Variants in NNT observed in about 807,000 individuals in gnomAD.
NNT encodes the protein NAD(P) transhydrogenase, mitochondrial.
NNT carries 50 observed loss-of-function variants against 104.8 expected under a neutral mutation model. The observed-to-expected ratio is 0.48, with a 90% CI of 0.38 to 0.60. NNT has a LOEUF of 0.60. Among genes scored for constraint, NNT ranks in the 20% least tolerant of loss-of-function variants. The probability of loss-of-function intolerance (pLI) is 0.00; values close to 1 mark genes in which losing one functional copy is unlikely to be tolerated. For synonymous variants in NNT, 461 were observed against 490.4 expected, an observed-to-expected ratio of 0.94 and a Z score of 0.79; for missense variants, 1,131 against 1,330.7, an observed-to-expected ratio of 0.85 and a Z score of 2.33.
chr5:43,657,774 A>G (rs1740134779), intron 16 of NNT, among the ~76,000 whole-genome samples: 1 of 152,236 alleles, frequency 6.6e-6, no homozygotes, highest in South Asian at 2.1e-4. Context: ...TTTAAACAAA[A>G]GAAAAATAAT....
chr5:43,608,737 A>G (rs1749352231), intron 1 of NNT, among the ~76,000 whole-genome samples: 1 of 152,236 alleles, frequency 6.6e-6, no homozygotes, highest in African/African-American at 2.4e-5. Flanking sequence ...AGGGAAATTC[A>G]AAGGTAACTG....
intron 19 of NNT, among the ~76,000 whole-genome samples, chr5:43,678,736 T>A (rs1741552965): frequency 6.6e-6 from 1 of 152,244 alleles, no homozygotes; most frequent in Non-Finnish European, 1.5e-5. Context: ...TGTGCTGGAC[T>A]GGATGCAGAA....
chr5:43,651,159 TG>T (rs1260598758), intron 12 of NNT, among the ~76,000 whole-genome samples: 2 of 152,242 alleles, frequency 1.3e-5, no homozygotes, highest in Non-Finnish European at 2.9e-5. Context: ...GCTTTTTGAA[TG>T]GCTTTTTTTT....
Position 43,704,440 on chromosome 5 carries a change from C to A in NNT, c.*36C>A. The A allele has an allele frequency of 1.9e-6, 3 of 1,608,948 alleles. No individual in the cohort carries two copies. The highest frequency in any genetic ancestry group is 2.5e-6 in the Non-Finnish European group (3 of 1,176,928). ...TCAAGCTGTTAGCTAATAATGCCAC[C>A]TCTGCAGTTTTGGGAACAGGCAAAT... On this transcript the variant is annotated 3_prime_UTR_variant, in exon 22 of 22. Coordinates refer to ENST00000344920, the MANE Select transcript of NNT (RefSeq NM_182977.3).
At chr5:43,669,103 C>T (rs1275371304) in intron 17 of NNT, among the ~76,000 whole-genome samples, 1 of 152,020 alleles carries the variant, frequency 6.6e-6, no homozygotes, top group Non-Finnish European at 1.5e-5. Flanking sequence ...GTGTATAAGA[C>T]TGCTTGTGAT....
At chr5:43,627,622 A>G (rs1750439346) in intron 6 of NNT, among the ~76,000 whole-genome samples, 1 of 152,144 alleles carries the variant, frequency 6.6e-6, no homozygotes, top group African/African-American at 2.4e-5. Context: ...TATTTATTTA[A>G]AACTGAATTT....
chr5:43,659,133 G>A (rs1740215174), intron 16 of NNT, 38 bp from the exon 17 acceptor site: 1 of 1,514,056 alleles, frequency 6.6e-7, no homozygotes, highest in South Asian at 1.3e-5. Context: ...TTATTTTTAT[G>A]TTATTAATTT....
At chr5:43,690,018 T>C (rs1210725665) in intron 19 of NNT, among the ~76,000 whole-genome samples, 1 of 152,086 alleles carries the variant, frequency 6.6e-6, no homozygotes, top group Non-Finnish European at 1.5e-5. Context: ...TTTGGAACTA[T>C]ATTAAACATC....
chr5:43,657,928 A>G (rs1740141498), intron 16 of NNT, among the ~76,000 whole-genome samples: 1 of 152,110 alleles, frequency 6.6e-6, no homozygotes, highest in Non-Finnish European at 1.5e-5. Flanking sequence ...TGAGGTCAGG[A>G]GTTTGTGACT....
At chr5:43,701,621 T>C (rs1021897070) in intron 20 of NNT, among the ~76,000 whole-genome samples, 1 of 152,188 alleles carries the variant, frequency 6.6e-6, no homozygotes, top group South Asian at 2.1e-4. Context: ...CTGGGTCAAG[T>C]AGGAGTTCTA....
Position 43,706,774 on chromosome 5 carries a change from G to A in NNT, c.*2370G>A, listed in dbSNP as rs375050183. The A allele has an allele frequency of 6.6e-6, 1 of 152,204 alleles. No homozygotes were observed. The highest frequency in any genetic ancestry group is 1.9e-4 in the East Asian group (1 of 5,200). 9.4% of individuals were successfully genotyped at this position (152,204 alleles called of 1,614,324 possible). ...AAGAAAATGTGCACATATACACCAT[G>A]GAATACTATGCAGCCATAAAAAAGG... On this transcript the variant is annotated 3_prime_UTR_variant, in exon 22 of 22. Transcript: ENST00000344920.
In NNT at chr5:43,616,028, G is replaced by A; in HGVS notation, c.562G>A (p.Gly188Arg). Residue 188 changes from glycine (G) to arginine (R), a missense_variant, in exon 4 of 22, where the codon GGA (glycine) becomes AGA (arginine). Transcript: ENST00000344920. ...GGTTCCAAGAGTCACAATTGCTCAG[G>A]GATATGATGCGCTAAGCTCCATGGC... ...DQVPRVTIAQ[G>R]YDALSSMANI... The A allele has an allele frequency of 6.2e-7, 1 of 1,614,078 alleles. No homozygotes were observed. The highest frequency in any genetic ancestry group is 8.5e-7 in the Non-Finnish European group (1 of 1,180,010).
intron 17 of NNT, among the ~76,000 whole-genome samples, chr5:43,667,768 C>A (rs143337263): frequency 2.0e-5 from 3 of 151,954 alleles, no homozygotes; most frequent in Non-Finnish European, 4.4e-5. Context: ...TTTATAATCC[C>A]GTGGGTATAT....
At position 43,624,041 on chromosome 5, in the gene NNT, G is replaced by T; in HGVS notation, c.697G>T (p.Val233Phe). 6.2e-7 allele frequency: 1 copy of T among 1,614,168 alleles called. No homozygotes were observed. The highest frequency in any genetic ancestry group is 8.5e-7 in the Non-Finnish European group (1 of 1,180,006). The change falls in exon 6 of 22, where the codon GTT (valine) becomes TTT (phenylalanine). Residue 233 changes from valine (V) to phenylalanine (F), a missense_variant. By Grantham distance (50) the Val-to-Phe change is conservative (BLOSUM62 -1). Transcript: ENST00000344920. ...TGGGTCTGTCTTCTAGATTCTGATA[G>T]TTGGTGGTGGTGTTGCTGGGCTTGC... ...GKVPPAKILI[V>F]GGGVAGLASA...
intron 20 of NNT, 60 bp downstream of exon 20, chr5:43,700,297 G>T: frequency 8.2e-7 from 1 of 1,225,024 alleles, no homozygotes; most frequent in African/African-American, 1.5e-5. Context: ...AGCAGTGCAG[G>T]TGTGGGATAT....
chr5:43,675,716 ATTG>A, intron 18 of NNT, 46 bp downstream of exon 18: 1 of 1,350,026 alleles, frequency 7.4e-7, no homozygotes, highest in South Asian at 1.9e-5. Flanking sequence ...AGCTGTTATA[ATTG>A]ATGACATTAA....
chr5:43,665,027 A>C (rs1740555660), intron 17 of NNT, among the ~76,000 whole-genome samples: 1 of 151,744 alleles, frequency 6.6e-6, no homozygotes, highest in African/African-American at 2.4e-5. Context: ...TTCTTCATTC[A>C]GTTTTATAGG....
chr5:43,644,797 A>G lies in NNT; in HGVS notation c.1285A>G (p.Met429Val). Residue 429 changes from methionine (M) to valine (V), a missense_variant, in exon 9 of 22, where the codon ATG becomes GTG. Coordinates refer to ENST00000344920, the MANE Select transcript of NNT (RefSeq NM_182977.3). ...TCATGTCATTAGAGGAACTGTAGTG[A>G]TGAAAGTAAGTAAAGAGATCTATTC... ...MGHVIRGTVVMKDGKVIFPAP... is the reference protein window; with the variant it reads ...MGHVIRGTVVVKDGKVIFPAP... 1 of 1,611,148 alleles carries G rather than the reference A, an allele frequency of 6.2e-7. No homozygotes were observed. Among genetic ancestry groups the G allele is most frequent in the Non-Finnish European group, 8.5e-7 (1 of 1,178,144 alleles).
At position 43,651,900 on chromosome 5, in the gene NNT, T is replaced by A; in HGVS notation, c.1863+16T>A. 1 of 1,609,052 alleles carries A rather than the reference T, an allele frequency of 6.2e-7. No homozygotes were observed. ...CATTGAACAGGTAAGATGCTCTTTG[T>A]AAGTTTTTATATTTACCACAATATT... On this transcript the variant is annotated intron_variant, in intron 13 of 21. Coordinates refer to ENST00000344920, the MANE Select transcript of NNT (RefSeq NM_182977.3).
Sources: gnomAD v4.1 joint callset for allele counts (sites outside exome capture counted in the v4.1 genomes callset) on GRCh38, gnomAD v4.1.1 for gene constraint, MANE v1.5 for transcripts, NCBI Gene and HGNC (gene_info 2026-07-23, HGNC 2026-07-21) for gene names.